MRC2: variants seen among roughly 807,000 people sequenced by gnomAD.
MRC2 encodes the protein C-type mannose receptor 2.
Under a neutral mutation model 206.2 loss-of-function variants are expected in MRC2, and 84 were observed. The ratio of observed to expected loss-of-function variants is 0.41; its 90% CI spans 0.34 to 0.49. The LOEUF is 0.49. Ranked by LOEUF, MRC2 falls within the 20% of genes least tolerant of loss-of-function variation. The probability of loss-of-function intolerance (pLI) is 0.31; values close to 1 mark genes in which losing one functional copy is unlikely to be tolerated. For missense variants in MRC2, 1,676 were observed against 2,001.5 expected, an observed-to-expected ratio of 0.84 and a Z score of 3.10; for synonymous variants, 798 against 800.0, an observed-to-expected ratio of 1.00 and a Z score of 0.04.
intron 1 of MRC2, among the ~76,000 whole-genome samples, chr17:62,653,482 C>T (rs563717333): frequency 4.8e-4 from 73 of 152,310 alleles, no homozygotes; most frequent in African/African-American, 1.5e-3. Flanking sequence ...AGTCCCACCT[C>T]TCCACCCATT....
Position 62,688,786 on chromosome 17 carries a change from C to T in MRC2, c.3226-66C>T, listed in dbSNP as rs952592589. 4.4e-6 allele frequency: 7 copies of T among 1,582,610 alleles called. No homozygotes were observed. The African/African-American group carries it at 8.1e-5, about 18-fold the overall frequency. ...TCCAGCCTCTTTGCTCACATTGCAG[C>T]CTTCTGGGGACAGTAGCACAGGGAG... On this transcript the variant is annotated intron_variant, in intron 22 of 29. Coordinates refer to ENST00000303375, the MANE Select transcript of MRC2 (RefSeq NM_006039.5).
chr17:62,651,837 G>T (rs1322059987), intron 1 of MRC2, among the ~76,000 whole-genome samples: 1 of 152,146 alleles, frequency 6.6e-6, no homozygotes, highest in Non-Finnish European at 1.5e-5. Flanking sequence ...CTCCCAAAAT[G>T]CTGGAATTAA....
At chr17:62,640,495 C>G (rs1171861773) in intron 1 of MRC2, among the ~76,000 whole-genome samples, 1 of 152,088 alleles carries the variant, frequency 6.6e-6, no homozygotes, top group East Asian at 1.9e-4. Context: ...CAAACGTACA[C>G]TGATTTCATT....
intron 11 of MRC2, among the ~76,000 whole-genome samples, chr17:62,676,886 C>T (rs140177052): frequency 4.6e-4 from 70 of 152,342 alleles, no homozygotes; most frequent in Middle Eastern, 3.4e-3. Context: ...AAAAAAGAAA[C>T]AAATAATCTC....
chr17:62,647,085 C>T (rs2088497176), intron 1 of MRC2, among the ~76,000 whole-genome samples: 1 of 152,046 alleles, frequency 6.6e-6, no homozygotes, highest in Non-Finnish European at 1.5e-5. Flanking sequence ...GATTTGGACA[C>T]CCAACTTTAA....
Position 62,688,366 on chromosome 17 carries a change from G to A in MRC2, c.3024G>A (p.Glu1008=). 1 of 1,614,206 alleles carries A rather than the reference G, an allele frequency of 6.2e-7. No individual in the cohort carries two copies. Among genetic ancestry groups the A allele is most frequent in the Non-Finnish European group, 8.5e-7 (1 of 1,180,034 alleles). ...CACAGTTCTCCTGTGAACAGCAAGA[G>A]GCCCAGCTGGTCACCATCACAAACC... is the stretch of plus-strand genomic sequence containing the variant. The part of the protein sequence containing the change: ...SEAQFSCEQQ[E]AQLVTITNPL... Residue 1008 remains glutamate (E), a synonymous_variant, in exon 21 of 30, where the codon GAG becomes GAA. Transcript: ENST00000303375.
At chr17:62,659,176 G>A (rs922806957) in intron 1 of MRC2, among the ~76,000 whole-genome samples, 2 of 152,060 alleles carry the variant, frequency 1.3e-5, no homozygotes, top group Non-Finnish European at 2.9e-5. Flanking sequence ...TATCCATGAA[G>A]GCTCTTCCCT....
intron 12 of MRC2, among the ~76,000 whole-genome samples, chr17:62,678,184 G>A (rs2088918089): frequency 6.6e-6 from 1 of 152,338 alleles, no homozygotes; most frequent in East Asian, 1.9e-4. Context: ...GGCAGAGTCC[G>A]AGGTCTTTTA....
intron 1 of MRC2, among the ~76,000 whole-genome samples, chr17:62,631,452 G>A (rs1314982077): frequency 6.6e-6 from 1 of 152,126 alleles, no homozygotes; most frequent in African/African-American, 2.4e-5. Flanking sequence ...CCCAGGAGTG[G>A]TTACGGAGCC....
intron 1 of MRC2, among the ~76,000 whole-genome samples, chr17:62,632,266 G>A (rs981924190): frequency 2.0e-5 from 3 of 152,044 alleles, no homozygotes; most frequent in African/African-American, 7.3e-5. Context: ...CCCCTCAACT[G>A]CACACTGTGG....
At position 62,666,968 on chromosome 17, in the gene MRC2, G is replaced by A; in HGVS notation, c.973+98G>A. 1.1e-6 allele frequency: 1 copy of A among 943,360 alleles called. No individual in the cohort carries two copies. Among genetic ancestry groups the A allele is most frequent in the Non-Finnish European group, 1.6e-6 (1 of 609,366 alleles). 58.4% of individuals were successfully genotyped at this position (943,360 alleles called of 1,614,324 possible). A position where few individuals can be genotyped will look rare whatever the true frequency, so the allele number is the denominator to read the frequency against. On this transcript the variant is annotated intron_variant, in intron 5 of 29. Transcript: ENST00000303375. This position sits in a 1 kb window ranked among gnomAD's most constrained non-coding sequence, Gnocchi z 5.0. Reference sequence around the variant, plus strand: ...CCTCATGTCCTCCTGCAGAGGGGCAGTGTGGGTAGGGGAAGCACCGACCTC... The same window carrying A: ...CCTCATGTCCTCCTGCAGAGGGGCAATGTGGGTAGGGGAAGCACCGACCTC...
At chr17:62,679,701 G>T (rs1422403262) in intron 13 of MRC2, 99 bp from the exon 14 acceptor site, 7 of 1,143,710 alleles carry the variant, frequency 6.1e-6, no homozygotes, top group Non-Finnish European at 8.8e-6. Context: ...GGCCCTGGGG[G>T]CTGCCCCGGT....
Position 62,691,125 on chromosome 17 carries a change from C to G in MRC2, c.4189C>G (p.Arg1397Gly). ...CATGGGTGTCGTCTGCAAGCTTCCT[C>G]GTGGTGAGCGCCGGGCAGGCCCACG... Reference protein sequence around the residue: ...ITMGVVCKLPRAEQSSFSPSA... With the variant: ...ITMGVVCKLPGAEQSSFSPSA... Residue 1397 changes from arginine (R) to glycine (G), a missense_variant, in exon 28 of 30, where the codon CGT becomes GGT. This residue lies in a region of MRC2 where 1,354 missense variants were observed against 1,636.6 expected (regional missense o/e 0.83). Coordinates refer to ENST00000303375, the MANE Select transcript of MRC2 (RefSeq NM_006039.5). 1 of 1,601,906 alleles carries G rather than the reference C, an allele frequency of 6.2e-7. No individual in the cohort carries two copies. The highest frequency in any genetic ancestry group is 1.3e-5 in the African/African-American group (1 of 74,662).
intron 11 of MRC2, among the ~76,000 whole-genome samples, chr17:62,676,862 C>G (rs562816149): frequency 1.3e-5 from 2 of 152,368 alleles, no homozygotes; most frequent in African/African-American, 4.8e-5. Flanking sequence ...GATTACTTCT[C>G]TATCTGGGCT....
At chr17:62,656,850 C>G (rs575581899) in intron 1 of MRC2, among the ~76,000 whole-genome samples, 1 of 152,332 alleles carries the variant, frequency 6.6e-6, no homozygotes, top group African/African-American at 2.4e-5. Flanking sequence ...GGACATCCAG[C>G]ATCTTTGGGA....
chr17:62,645,202 C>T (rs879355367), intron 1 of MRC2, among the ~76,000 whole-genome samples: 2 of 151,958 alleles, frequency 1.3e-5, no homozygotes, highest in Admixed American at 1.3e-4. Context: ...TTATCATTTA[C>T]TAACGGTAAA....
At chr17:62,634,830 CTTTTT>C (rs773204542) in intron 1 of MRC2, among the ~76,000 whole-genome samples, 3 of 140,558 alleles carry the variant, frequency 2.1e-5, no homozygotes, top group African/African-American at 7.8e-5. Flanking sequence ...TCTGATACAA[CTTTTT>C]TTTTTTTTTT....
In MRC2 at chr17:62,666,348, G is replaced by A; in HGVS notation, c.694+81G>A. On this transcript the variant is annotated intron_variant, in intron 3 of 29. Coordinates refer to ENST00000303375, the MANE Select transcript of MRC2 (RefSeq NM_006039.5). The surrounding 1 kb of genome is among the most constrained non-coding windows in gnomAD (Gnocchi z 5.0). ...GCTGAGGGGCCCCGGGGCCCAGGGT[G>A]AGATACTGCCCCCTCCCCTACCTAG... is the stretch of plus-strand genomic sequence containing the variant. 1.3e-6 allele frequency: 2 copies of A among 1,575,022 alleles called. No individual in the cohort carries two copies. Among genetic ancestry groups the A allele is most frequent in the Non-Finnish European group, 1.7e-6 (2 of 1,163,554 alleles).
chr17:62,651,433 T>C (rs369019109), intron 1 of MRC2, among the ~76,000 whole-genome samples: 1 of 152,034 alleles, frequency 6.6e-6, no homozygotes, highest in Non-Finnish European at 1.5e-5. Context: ...GTCCAGGGCA[T>C]GGAGAAGCCA....
Sources: allele counts gnomAD v4.1 joint callset (sites outside exome capture counted in the v4.1 genomes callset), GRCh38; gene constraint gnomAD v4.1.1; regional missense constraint gnomAD v4.1.1; non-coding constraint Gnocchi (gnomAD v3.1); transcripts MANE v1.5; gene names NCBI Gene and HGNC (gene_info 2026-07-23, HGNC 2026-07-21).